The following ZBTB20 variants were observed in gnomAD, a reference collection of about 807,000 sequenced individuals.
ZBTB20 encodes zinc finger and BTB domain-containing protein 20.
Under a neutral mutation model 56.9 loss-of-function variants are expected in ZBTB20, and 9 were observed. The observed-to-expected ratio is 0.16, with a 90% CI of 0.10 to 0.28. The LOEUF (loss-of-function observed/expected upper bound fraction) is 0.28. Ranked by LOEUF, ZBTB20 falls within the 10% of genes least tolerant of loss-of-function variation. ZBTB20 has a pLI of 1.00. For missense variants in ZBTB20, 655 were observed against 1,003.0 expected (o/e 0.65, Z 4.69); for synonymous variants, 417 against 420.7 (o/e 0.99, Z 0.11).
At chr3:115,138,164 C>T (rs991698351) in intron 1 of ZBTB20, among the ~76,000 whole-genome samples, 4 of 152,030 alleles carry the variant, frequency 2.6e-5, no homozygotes, top group Admixed American at 6.5e-5. Context: ...GTTATTCAGT[C>T]GGGTTTGATT....
At chr3:115,125,969 T>C (rs559456123) in intron 1 of ZBTB20, among the ~76,000 whole-genome samples, 2 of 152,244 alleles carry the variant, frequency 1.3e-5, no homozygotes, top group South Asian at 4.1e-4. Flanking sequence ...ATAGAATTAG[T>C]ATCTATAATA....
chr3:114,549,195 C>T (rs922358144), intron 6 of ZBTB20, among the ~76,000 whole-genome samples: 1 of 152,148 alleles, frequency 6.6e-6, no homozygotes, highest in African/African-American at 2.4e-5. Context: ...GTGCTCATTT[C>T]AGATAGTCTC....
intron 6 of ZBTB20, among the ~76,000 whole-genome samples, chr3:114,670,946 T>G (rs1413627319): frequency 6.6e-6 from 1 of 152,070 alleles, no homozygotes; most frequent in African/African-American, 2.4e-5. Context: ...ACTGTTGACA[T>G]TTTTTGCTGC....
chr3:114,605,872 T>A (rs1358966203), intron 6 of ZBTB20, among the ~76,000 whole-genome samples: 1 of 152,040 alleles, frequency 6.6e-6, no homozygotes, highest in Non-Finnish European at 1.5e-5. Flanking sequence ...GATCCATTCA[T>A]GAACTGCAGG....
intron 6 of ZBTB20, among the ~76,000 whole-genome samples, chr3:114,560,105 G>A (rs923740314): frequency 6.6e-6 from 1 of 152,150 alleles, no homozygotes. Flanking sequence ...GAAAAACAAT[G>A]AATGCAATAA....
chr3:114,598,416 A>AAAG (rs5851930), intron 6 of ZBTB20, among the ~76,000 whole-genome samples: 60,162 of 150,282 alleles, frequency 0.4, 12,559 homozygotes, highest in African/African-American at 0.48. Flanking sequence ...AAAAAAAAAA[A>AAAG]TAGACTTAAA....
chr3:114,666,463 T>C (rs1316094774), intron 6 of ZBTB20, among the ~76,000 whole-genome samples: 4 of 152,048 alleles, frequency 2.6e-5, no homozygotes, highest in African/African-American at 9.7e-5. Context: ...ATTAGCTATT[T>C]CTTTTTGTAT....
chr3:114,803,779 GTTTTT>G (rs34171249), intron 4 of ZBTB20, among the ~76,000 whole-genome samples: 2 of 144,442 alleles, frequency 1.4e-5, no homozygotes. Context: ...TCAACTTTCT[GTTTTT>G]TTTTTTTTTT....
intron 5 of ZBTB20, among the ~76,000 whole-genome samples, chr3:114,773,131 T>C (rs1349413220): frequency 6.6e-6 from 1 of 152,162 alleles, no homozygotes; most frequent in African/African-American, 2.4e-5. Context: ...CATGAGGAAC[T>C]GAATAAGCAT....
chr3:115,080,303 C>T (rs2082751638), intron 1 of ZBTB20, among the ~76,000 whole-genome samples: 1 of 152,122 alleles, frequency 6.6e-6, no homozygotes, highest in African/African-American at 2.4e-5. Context: ...TACAGCAGCC[C>T]AAATTGACTA....
intron 4 of ZBTB20, among the ~76,000 whole-genome samples, chr3:114,819,751 A>G (rs1039803050): frequency 2.0e-5 from 3 of 151,980 alleles, no homozygotes; most frequent in African/African-American, 4.8e-5. Flanking sequence ...AGAAGATAAA[A>G]GTAATGAACA....
intron 6 of ZBTB20, among the ~76,000 whole-genome samples, chr3:114,635,285 G>A (rs1336694447): frequency 6.6e-6 from 1 of 152,156 alleles, no homozygotes. Flanking sequence ...TCCCCAAGGT[G>A]TATGTCTCTA....
At chr3:114,490,283 G>A (rs2042591452) in intron 7 of ZBTB20, among the ~76,000 whole-genome samples, 1 of 152,076 alleles carries the variant, frequency 6.6e-6, no homozygotes, top group East Asian at 1.9e-4. Context: ...GTGCAGTGGT[G>A]CGATCTCGGC....
In ZBTB20 at chr3:114,329,974, C is replaced by A. The variant is rs1576194146; in HGVS notation, c.*9031G>T. 6.6e-6 allele frequency: 1 copy of A among 152,254 alleles called. No homozygotes were observed. Among genetic ancestry groups the A allele is most frequent in the East Asian group, 1.9e-4 (1 of 5,182 alleles). The allele number at this position is 152,254 out of a possible 1,614,324, so 9.4% of individuals were successfully genotyped here. ...GTCAGATCATGTGGCACTTAAGTAG[C>A]CCCTTGGTCATATTTTTAAAAGCAA... On this transcript the variant is annotated 3_prime_UTR_variant, in exon 12 of 12. Transcript: ENST00000675478.
intron 4 of ZBTB20, among the ~76,000 whole-genome samples, chr3:114,851,814 C>A (rs923461278): frequency 6.6e-6 from 1 of 151,946 alleles, no homozygotes; most frequent in Admixed American, 6.6e-5. Context: ...TATGGATATT[C>A]CTCCGAACAC....
intron 5 of ZBTB20, among the ~76,000 whole-genome samples, chr3:114,793,514 A>T (rs951151712): frequency 1.3e-5 from 2 of 152,030 alleles, no homozygotes; most frequent in Non-Finnish European, 2.9e-5. Context: ...CCAGATCCCC[A>T]TTTTTCAAAG....
chr3:114,874,555 C>T (rs999817379), intron 4 of ZBTB20, among the ~76,000 whole-genome samples: 3 of 152,148 alleles, frequency 2.0e-5, no homozygotes, highest in African/African-American at 7.2e-5. Flanking sequence ...TTACATAAAA[C>T]CCTTATTGTC....
At chr3:114,777,870 A>G (rs2069726083) in intron 5 of ZBTB20, among the ~76,000 whole-genome samples, 1 of 152,000 alleles carries the variant, frequency 6.6e-6, no homozygotes, top group South Asian at 2.1e-4. Flanking sequence ...GATAGATTGG[A>G]TTAAGAAAAT....
At chr3:115,002,465 G>A (rs75580403) in intron 2 of ZBTB20, among the ~76,000 whole-genome samples, 280 of 151,556 alleles carry the variant, frequency 1.8e-3, no homozygotes, top group African/African-American at 5.9e-3. Context: ...ATATTCGACC[G>A]TCATCCAAAA....
Sources: gnomAD v4.1 joint callset for allele counts (sites outside exome capture counted in the v4.1 genomes callset) on GRCh38, gnomAD v4.1.1 for gene constraint, MANE v1.5 for transcripts, NCBI Gene and HGNC (gene_info 2026-07-23, HGNC 2026-07-21) for gene names.